PLCG2: variants seen among roughly 807,000 people sequenced by gnomAD.
PLCG2 encodes 1-phosphatidylinositol 4,5-bisphosphate phosphodiesterase gamma-2.
PLCG2 carries 69 observed loss-of-function variants against 175.6 expected under a neutral mutation model. The observed-to-expected ratio is 0.39, with a 90% CI of 0.32 to 0.48. The LOEUF is 0.48. Ranked by LOEUF, PLCG2 falls within the 20% of genes least tolerant of loss-of-function variation. The pLI is 0.91. For missense variants in PLCG2, 1,798 were observed against 1,650.9 expected, an observed-to-expected ratio of 1.09 and a Z score of -1.54; for synonymous variants, 827 against 624.0, an observed-to-expected ratio of 1.33 and a Z score of -4.85.
At chr16:81,791,355 T>C (rs1911223066) in intron 2 of PLCG2, among the ~76,000 whole-genome samples, 1 of 152,146 alleles carries the variant, frequency 6.6e-6, no homozygotes, top group Admixed American at 6.5e-5. Flanking sequence ...ATGGCTGCCC[T>C]GATCCTGTGG....
intron 2 of PLCG2, among the ~76,000 whole-genome samples, chr16:81,834,802 C>G (rs1015788244): frequency 7.2e-5 from 11 of 152,184 alleles, no homozygotes; most frequent in Non-Finnish European, 1.2e-4. Flanking sequence ...CTGCCAGTCC[C>G]CAGAGCTTCT....
At chr16:81,845,392 C>T (rs1356967298) in intron 2 of PLCG2, among the ~76,000 whole-genome samples, 1 of 152,218 alleles carries the variant, frequency 6.6e-6, no homozygotes, top group Non-Finnish European at 1.5e-5. Context: ...GTCGCACACT[C>T]ATTTAATCCC....
At chr16:81,791,347 G>T (rs1336655086) in intron 2 of PLCG2, among the ~76,000 whole-genome samples, 2 of 152,124 alleles carry the variant, frequency 1.3e-5, no homozygotes, top group Non-Finnish European at 2.9e-5. Flanking sequence ...TAGCAGGGAT[G>T]GCTGCCCTGA....
chr16:81,795,263 G>A (rs34332984), intron 2 of PLCG2, among the ~76,000 whole-genome samples: 51,795 of 152,040 alleles, frequency 0.34, 9,107 homozygotes, highest in Middle Eastern at 0.42. Flanking sequence ...GTAATAAGGA[G>A]TCATTAGTCA....
chr16:81,860,143 C>CTATTATTATTATTAT lies in PLCG2; in HGVS notation c.479+997_479+1011dup, dbSNP rs763477650. Among the ~76,000 whole-genome samples the CTATTATTATTATTAT allele has an allele frequency of 1.5e-3, 187 of 126,402 alleles. 1 individual carries two copies. The highest frequency in any genetic ancestry group is 2.0e-3 in the Non-Finnish European group (121 of 60,450). The allele number at this position is 126,402 out of a possible 152,430, so 82.9% of individuals were successfully genotyped here. A position where few individuals can be genotyped will look rare whatever the true frequency, so the allele number is the denominator to read the frequency against. On this transcript the variant is annotated intron_variant, in intron 5 of 32. Coordinates refer to ENST00000564138, the MANE Select transcript of PLCG2 (RefSeq NM_002661.5). ...TGTTTCACCATGCCTGGCTTATTTA[C>CTATTATTATTATTAT]TATTATTATTATTATTATTATTATT...
At chr16:81,874,734 C>G (rs1907682399) in intron 7 of PLCG2, among the ~76,000 whole-genome samples, 1 of 152,122 alleles carries the variant, frequency 6.6e-6, no homozygotes, top group South Asian at 2.1e-4. Flanking sequence ...TTGCTAGTTC[C>G]TCTTTGTGTC....
chr16:81,803,729 C>G (rs527550695), intron 2 of PLCG2, among the ~76,000 whole-genome samples: 1 of 144,004 alleles, frequency 6.9e-6, no homozygotes, highest in African/African-American at 2.5e-5. Context: ...TCGGTCAGGC[C>G]GGAGGGCAGT....
At chr16:81,861,380 C>G (rs554707162) in intron 5 of PLCG2, among the ~76,000 whole-genome samples, 1 of 152,316 alleles carries the variant, frequency 6.6e-6, no homozygotes, top group South Asian at 2.1e-4. Context: ...TTGTTAGCTT[C>G]AGGGTTTGGG....
At chr16:81,835,674 A>G (rs1905476423) in intron 2 of PLCG2, among the ~76,000 whole-genome samples, 1 of 152,230 alleles carries the variant, frequency 6.6e-6, no homozygotes, top group African/African-American at 2.4e-5. Context: ...TGTGGTTGCC[A>G]TAACACAAGT....
chr16:81,892,009 G>A (rs868599306), intron 11 of PLCG2, among the ~76,000 whole-genome samples: 1 of 152,228 alleles, frequency 6.6e-6, no homozygotes, highest in African/African-American at 2.4e-5. Flanking sequence ...ACCGGCAGCA[G>A]CCATGTCCTC....
intron 2 of PLCG2, among the ~76,000 whole-genome samples, chr16:81,803,647 C>T (rs1429144569): frequency 3.6e-4 from 15 of 42,104 alleles, no homozygotes; most frequent in Non-Finnish European, 1.0e-3. Flanking sequence ...CTCCCTCCCT[C>T]CCTCCCTCCC....
chr16:81,778,021 A>AAAAAAAC (rs1567457637), upstream of PLCG2, among the ~76,000 whole-genome samples: 5 of 67,146 alleles, frequency 7.4e-5, no homozygotes, highest in Admixed American at 1.5e-4. Context: ...TGTCTCAAAA[A>AAAAAAAC]AAAAAAAAAA....
At chr16:81,867,015 G>T (rs977792936) in intron 5 of PLCG2, among the ~76,000 whole-genome samples, 3 of 152,246 alleles carry the variant, frequency 2.0e-5, no homozygotes, top group African/African-American at 7.2e-5. Flanking sequence ...AGGTCTGTCT[G>T]TGAAAGCCGT....
At chr16:81,800,055 C>T (rs1911654095) in intron 2 of PLCG2, among the ~76,000 whole-genome samples, 2 of 152,164 alleles carry the variant, frequency 1.3e-5, no homozygotes, top group African/African-American at 4.8e-5. Flanking sequence ...CTTTTCATTG[C>T]ACTCATCTGT....
chr16:81,949,822 C>T (rs1284303053), intron 31 of PLCG2, among the ~76,000 whole-genome samples: 1 of 151,946 alleles, frequency 6.6e-6, no homozygotes, highest in African/African-American at 2.4e-5. Context: ...CAAGTATCAA[C>T]AAAGCAAAGG....
At chr16:81,887,988 A>T (rs1908453101) in intron 9 of PLCG2, among the ~76,000 whole-genome samples, 1 of 152,116 alleles carries the variant, frequency 6.6e-6, no homozygotes, top group African/African-American at 2.4e-5. Context: ...TCTTTTGAAA[A>T]GAGGGCATAT....
At position 81,858,247 on chromosome 16, in the gene PLCG2, C is replaced by A. The variant is rs773467785; in HGVS notation, c.338-16C>A. ...AGGAATTAACACAGCATTTCTGTTC[C>A]CTTTCTCCACTCCAGCTGACTCTAA... On this transcript the variant is annotated splice_polypyrimidine_tract_variant and intron_variant, in intron 3 of 32. Transcript: ENST00000564138. 2 of 1,571,972 alleles carry A rather than the reference C, an allele frequency of 1.3e-6. No homozygotes were observed. The highest frequency in any genetic ancestry group is 1.7e-5 in the Admixed American group (1 of 59,976).
chr16:81,824,020 T>C (rs1445030952), intron 2 of PLCG2, among the ~76,000 whole-genome samples: 3 of 31,568 alleles, frequency 9.5e-5, no homozygotes, highest in East Asian at 2.1e-3. Context: ...TTTCCTTTCC[T>C]TTCCTTTCCT....
intron 16 of PLCG2, 60 bp downstream of exon 16, chr16:81,907,834 G>A (rs748823787): frequency 1.6e-6 from 2 of 1,268,756 alleles, no homozygotes; most frequent in Non-Finnish European, 2.3e-6. Context: ...GGACCAGCCA[G>A]TCCCCGGGAC....
Sources: gnomAD v4.1 joint callset for allele counts (sites outside exome capture counted in the v4.1 genomes callset) on GRCh38, gnomAD v4.1.1 for gene constraint, MANE v1.5 for transcripts, NCBI Gene and HGNC (gene_info 2026-07-23, HGNC 2026-07-21) for gene names.